The following CACNG2 variants were observed in gnomAD, a reference collection of about 807,000 sequenced individuals.
The protein encoded by CACNG2 is voltage-dependent calcium channel gamma-2 subunit.
A neutral mutation model predicts 25.9 loss-of-function variants in CACNG2; 3 were observed. The ratio of observed to expected loss-of-function variants is 0.12; its 90% CI spans 0.05 to 0.30. CACNG2 has a LOEUF of 0.30. CACNG2 is among the 10% of genes least tolerant of loss of function. The pLI is 1.00. For synonymous variants in CACNG2, 167 were observed against 173.3 expected, an observed-to-expected ratio of 0.96 and a Z score of 0.29; for missense variants, 341 against 432.5, an observed-to-expected ratio of 0.79 and a Z score of 1.88.
At chr22:36,572,581 A>T (rs183055753) in intron 2 of CACNG2, among the ~76,000 whole-genome samples, 3 of 152,226 alleles carry the variant, frequency 2.0e-5, no homozygotes, top group Non-Finnish European at 4.4e-5. Flanking sequence ...GCATGCCTGT[A>T]GTCCCAGCTA....
chr22:36,604,815 T>A (rs1334846304), intron 1 of CACNG2, among the ~76,000 whole-genome samples: 2 of 152,218 alleles, frequency 1.3e-5, no homozygotes, highest in Non-Finnish European at 2.9e-5. Context: ...TCTCACTCGG[T>A]CACCCAGGTT....
At chr22:36,632,960 G>A (rs996885956) in intron 1 of CACNG2, among the ~76,000 whole-genome samples, 12 of 151,896 alleles carry the variant, frequency 7.9e-5, no homozygotes, top group Non-Finnish European at 1.3e-4. Flanking sequence ...TACAATTCAC[G>A]TCTCCAGCTC....
chr22:36,589,319 G>A (rs746271543), intron 1 of CACNG2, among the ~76,000 whole-genome samples: 13 of 152,090 alleles, frequency 8.5e-5, no homozygotes, highest in Non-Finnish European at 1.3e-4. Flanking sequence ...GTGTGTGTGT[G>A]TATAAAATAG....
chr22:36,639,560 G>A (rs1052575676), intron 1 of CACNG2, among the ~76,000 whole-genome samples: 10 of 152,142 alleles, frequency 6.6e-5, no homozygotes, highest in Admixed American at 5.9e-4. Flanking sequence ...TTTGTCTTTT[G>A]GGAACCCAAC....
At chr22:36,694,264 A>T (rs566719667) in intron 1 of CACNG2, among the ~76,000 whole-genome samples, 2 of 152,318 alleles carry the variant, frequency 1.3e-5, no homozygotes, top group African/African-American at 4.8e-5. Context: ...TGGAACATTA[A>T]ATTTGTCCCC....
intron 1 of CACNG2, among the ~76,000 whole-genome samples, chr22:36,626,345 C>T (rs369317739): frequency 1.2e-4 from 18 of 152,320 alleles, no homozygotes; most frequent in South Asian, 2.1e-4. Flanking sequence ...CTTGCTTCTC[C>T]GGCAAAGCAT....
chr22:36,688,310 G>T (rs5756290), intron 1 of CACNG2, among the ~76,000 whole-genome samples: 5 of 152,034 alleles, frequency 3.3e-5, no homozygotes, highest in Non-Finnish European at 5.9e-5. Flanking sequence ...TTTGGGAGAT[G>T]GAGGTGAGAG....
At chr22:36,628,310 A>C (rs1260251198) in intron 1 of CACNG2, among the ~76,000 whole-genome samples, 1 of 152,226 alleles carries the variant, frequency 6.6e-6, no homozygotes, top group African/African-American at 2.4e-5. Context: ...CTTTGCATTG[A>C]CCTTAATCAA....
At chr22:36,578,550 C>A (rs1935363113) in intron 2 of CACNG2, among the ~76,000 whole-genome samples, 1 of 152,166 alleles carries the variant, frequency 6.6e-6, no homozygotes. Flanking sequence ...TGAATTCAGG[C>A]CCTTTTATTC....
intron 1 of CACNG2, among the ~76,000 whole-genome samples, chr22:36,623,797 T>G (rs562030060): frequency 1.2e-4 from 18 of 152,186 alleles, no homozygotes; most frequent in African/African-American, 3.6e-4. Flanking sequence ...TGTGGGCCAG[T>G]GTGCAAAATG....
intron 1 of CACNG2, among the ~76,000 whole-genome samples, chr22:36,700,599 C>T (rs1213499063): frequency 2.0e-5 from 3 of 152,150 alleles, no homozygotes; most frequent in Admixed American, 6.5e-5. Context: ...TCTTCTCTTT[C>T]GGAATAAAAG....
chr22:36,579,643 C>T (rs1053106438), intron 2 of CACNG2, among the ~76,000 whole-genome samples: 2 of 152,086 alleles, frequency 1.3e-5, no homozygotes, highest in African/African-American at 2.4e-5. Flanking sequence ...GGTCTCATCT[C>T]AGAGGAAAGC....
intron 2 of CACNG2, among the ~76,000 whole-genome samples, chr22:36,576,274 GAATGGAAAACCA>G (rs1935311178): frequency 6.6e-6 from 1 of 152,136 alleles, no homozygotes; most frequent in Non-Finnish European, 1.5e-5. Flanking sequence ...AGTAACTCAG[GAATGGAAAACCA>G]AACATTATAT....
At chr22:36,627,768 G>A (rs1399216513) in intron 1 of CACNG2, among the ~76,000 whole-genome samples, 3 of 151,654 alleles carry the variant, frequency 2.0e-5, no homozygotes, top group South Asian at 2.1e-4. Context: ...GACTACAGGC[G>A]TGCGCCACCA....
intron 1 of CACNG2, among the ~76,000 whole-genome samples, chr22:36,595,019 A>ATG (rs969861109): frequency 4.5e-5 from 6 of 133,198 alleles, no homozygotes; most frequent in Non-Finnish European, 6.3e-5. Flanking sequence ...AAGTCTGCAT[A>ATG]TGTGTGTGTG....
chr22:36,660,054 C>T (rs921750887), intron 1 of CACNG2, among the ~76,000 whole-genome samples: 1 of 152,222 alleles, frequency 6.6e-6, no homozygotes, highest in African/African-American at 2.4e-5. Flanking sequence ...CTCCTGGTAC[C>T]CGCACAAGCC....
chr22:36,605,535 T>A (rs1603501445), intron 1 of CACNG2, among the ~76,000 whole-genome samples: 1 of 152,170 alleles, frequency 6.6e-6, no homozygotes, highest in South Asian at 2.1e-4. Flanking sequence ...CTTCACAGGG[T>A]CTGGAGGCTG....
chr22:36,692,842 A>T (rs1318340754), intron 1 of CACNG2, among the ~76,000 whole-genome samples: 1 of 152,160 alleles, frequency 6.6e-6, no homozygotes, highest in African/African-American at 2.4e-5. Flanking sequence ...CTAAAAAAAT[A>T]AAAATACAAA....
At chr22:36,640,708 G>A (rs1044318613) in intron 1 of CACNG2, among the ~76,000 whole-genome samples, 2 of 152,036 alleles carry the variant, frequency 1.3e-5, no homozygotes, top group Non-Finnish European at 1.5e-5. Flanking sequence ...CTTTGTTTCC[G>A]CGCTTGTTCC....
Sources: gnomAD v4.1 joint callset for allele counts (sites outside exome capture counted in the v4.1 genomes callset) on GRCh38, gnomAD v4.1.1 for gene constraint, MANE v1.5 for transcripts, NCBI Gene and HGNC (gene_info 2026-07-23, HGNC 2026-07-21) for gene names.